The following REDIC1 variants were observed in gnomAD, a reference collection of about 807,000 sequenced individuals.
REDIC1 encodes regulator of DNA class I crossover intermediates 1.
chr12:39,714,038 TATATAC>T, the REDIC1 span, among the ~76,000 whole-genome samples: 1 of 45,686 alleles, frequency 2.2e-5, no homozygotes, highest in Admixed American at 2.4e-4. Flanking sequence ...TATATACATG[TATATAC>T]ACATGTATAT....
chr12:39,699,296 AG>A, the REDIC1 span, among the ~76,000 whole-genome samples: 1 of 152,184 alleles, frequency 6.6e-6, no homozygotes, highest in Non-Finnish European at 1.5e-5. Flanking sequence ...GGGAAGCGAA[AG>A]GGGTCAGGGA....
the REDIC1 span, among the ~76,000 whole-genome samples, chr12:39,834,717 TG>T: frequency 6.6e-6 from 1 of 152,074 alleles, no homozygotes; most frequent in African/African-American, 2.4e-5. Flanking sequence ...TATCTGCCTC[TG>T]TCTTCTGGAG....
the REDIC1 span, among the ~76,000 whole-genome samples, chr12:39,713,323 T>TACACAC: frequency 2.1e-5 from 3 of 145,002 alleles, no homozygotes; most frequent in Non-Finnish European, 4.6e-5. Context: ...TATATATGTG[T>TACACAC]ATACACATAT....
chr12:39,888,988 G>GTAATTAAT, the REDIC1 span, among the ~76,000 whole-genome samples: 7 of 151,932 alleles, frequency 4.6e-5, no homozygotes, highest in Admixed American at 4.6e-4. Context: ...AAAAATACAA[G>GTAATTAAT]TCGGGATTCA....
chr12:39,841,754 A>T, the REDIC1 span, among the ~76,000 whole-genome samples: 2 of 152,054 alleles, frequency 1.3e-5, no homozygotes, highest in African/African-American at 4.8e-5. Context: ...AACAGTAACT[A>T]ATCTTCTCTG....
At chr12:39,764,509 G>A in the REDIC1 span, 1 of 1,610,744 alleles carries the variant, frequency 6.2e-7, no homozygotes, top group Non-Finnish European at 8.5e-7. Flanking sequence ...GTGAAACCAG[G>A]ACATTGAAAA....
the REDIC1 span, among the ~76,000 whole-genome samples, chr12:39,855,702 G>A: frequency 1.4e-4 from 21 of 152,036 alleles, no homozygotes; most frequent in Non-Finnish European, 2.5e-4. Flanking sequence ...TATATTCTTC[G>A]ATTTCCTAAG....
At chr12:39,685,110 C>T in the REDIC1 span, among the ~76,000 whole-genome samples, 1 of 152,120 alleles carries the variant, frequency 6.6e-6, no homozygotes, top group Admixed American at 6.6e-5. Flanking sequence ...GAAATAAAAA[C>T]ACGTTTTCAG....
chr12:39,830,518 A>T, the REDIC1 span: 1 of 1,083,658 alleles, frequency 9.2e-7, no homozygotes, highest in South Asian at 3.4e-5. Context: ...TGGAGCAAAT[A>T]AACTTTTGCT....
At chr12:39,670,009 G>A in the REDIC1 span, among the ~76,000 whole-genome samples, 2 of 152,068 alleles carry the variant, frequency 1.3e-5, no homozygotes, top group African/African-American at 4.8e-5. Flanking sequence ...CAAGTGAGGC[G>A]ATGCCTTGTC....
the REDIC1 span, among the ~76,000 whole-genome samples, chr12:39,633,144 A>G: frequency 6.6e-6 from 1 of 152,068 alleles, no homozygotes; most frequent in African/African-American, 2.4e-5. Flanking sequence ...TTTGTTACAA[A>G]TTCTTTTTAA....
chr12:39,711,574 CATACACATGCATGTGTAT>C, the REDIC1 span, among the ~76,000 whole-genome samples: 77 of 56,526 alleles, frequency 1.4e-3, no homozygotes, highest in Non-Finnish European at 2.5e-3. Context: ...TGTATATGTG[CATACACATGCATGTGTAT>C]ATGTGTATAC....
At chr12:39,828,269 T>C in the REDIC1 span, among the ~76,000 whole-genome samples, 9 of 152,278 alleles carry the variant, frequency 5.9e-5, no homozygotes, top group African/African-American at 2.2e-4. Context: ...TTTCTTTCTT[T>C]TTTTGTAAAG....
At chr12:39,762,662 G>A in the REDIC1 span, among the ~76,000 whole-genome samples, 1 of 151,966 alleles carries the variant, frequency 6.6e-6, no homozygotes, top group Non-Finnish European at 1.5e-5. Context: ...AGGAATACAC[G>A]ATTAGGATGT....
chr12:39,861,759 A>G, the REDIC1 span, among the ~76,000 whole-genome samples: 6 of 152,188 alleles, frequency 3.9e-5, no homozygotes, highest in African/African-American at 1.2e-4. Flanking sequence ...TGCAGCTGGG[A>G]CCCTATGACA....
At chr12:39,743,718 A>C in the REDIC1 span, among the ~76,000 whole-genome samples, 6 of 152,212 alleles carry the variant, frequency 3.9e-5, no homozygotes, top group Non-Finnish European at 5.9e-5. Context: ...TCATTAATAG[A>C]CTGGACGCAG....
At chr12:39,874,183 T>C in the REDIC1 span, among the ~76,000 whole-genome samples, 1 of 152,168 alleles carries the variant, frequency 6.6e-6, no homozygotes, top group Non-Finnish European at 1.5e-5. Context: ...TGCCTTGTCA[T>C]AGAGGTTTGC....
chr12:39,714,009 A>G, the REDIC1 span, among the ~76,000 whole-genome samples: 24 of 81,252 alleles, frequency 3.0e-4, no homozygotes, highest in African/African-American at 9.1e-4. Flanking sequence ...ACCTATGTGC[A>G]TATACGTTTA....
the REDIC1 span, among the ~76,000 whole-genome samples, chr12:39,668,033 G>T: frequency 6.6e-6 from 1 of 152,042 alleles, no homozygotes; most frequent in East Asian, 1.9e-4. Flanking sequence ...TTTCCACTCT[G>T]TGTCTTTTAA....
Sources: gnomAD v4.1 joint callset for allele counts (sites outside exome capture counted in the v4.1 genomes callset) on GRCh38, gnomAD v4.1.1 for gene constraint, MANE v1.5 for transcripts, NCBI Gene and HGNC (gene_info 2026-07-23, HGNC 2026-07-21) for gene names.